The following NSF variants were observed in gnomAD, a reference collection of about 807,000 sequenced individuals.
The protein encoded by NSF is N-ethylmaleimide sensitive factor, vesicle fusing ATPase.
A neutral mutation model predicts 50.3 loss-of-function variants in NSF; 14 were observed. The ratio of observed to expected loss-of-function variants is 0.28; its 90% CI spans 0.18 to 0.44. The LOEUF is 0.44. Among genes scored for constraint, NSF ranks in the 20% least tolerant of loss-of-function variants. The pLI, the probability that NSF is intolerant of heterozygous loss-of-function variation, is 1.00. For synonymous variants in NSF, 109 were observed against 175.7 expected (o/e 0.62, Z 3.00); for missense variants, 218 against 504.3 (o/e 0.43, Z 5.44).
intron 9 of NSF, among the ~76,000 whole-genome samples, chr17:46,675,669 T>G (rs1386402814): frequency 7.3e-6 from 1 of 136,104 alleles, no homozygotes. Context: ...CACACGAACA[T>G]TCTATTGGTT....
At chr17:46,605,715 TAA>T (rs528349065) in intron 1 of NSF, among the ~76,000 whole-genome samples, 18 of 35,984 alleles carry the variant, frequency 5.0e-4, no homozygotes, top group Non-Finnish European at 3.6e-4. Flanking sequence ...TCCTGAAGGC[TAA>T]AAAAAAAAAA....
chr17:46,749,212 G>T (rs535614038), intron 17 of NSF, among the ~76,000 whole-genome samples: 19 of 152,268 alleles, frequency 1.2e-4, no homozygotes, highest in African/African-American at 4.6e-4. Context: ...CATAAGCCTG[G>T]CATAGTTTTT....
At chr17:46,722,093 TG>T (rs2058836727) in intron 15 of NSF, 1 of 1,611,102 alleles carries the variant, frequency 6.2e-7, no homozygotes, top group East Asian at 2.2e-5. Flanking sequence ...CAGAAGAGCC[TG>T]GGAGATGGCC....
chr17:46,630,616 T>TAGAG lies in NSF; in HGVS notation c.238+166_238+167insAGAG, dbSNP rs2058124217. 2.1e-5 allele frequency: 9 copies of TAGAG among 430,918 alleles called. No individual in the cohort carries two copies. In the South Asian group the frequency reaches 3.0e-4, roughly 14 times the overall value. 26.7% of individuals were successfully genotyped at this position (430,918 alleles called of 1,614,324 possible). On this transcript the variant is annotated intron_variant, in intron 4 of 20. Transcript: ENST00000398238. ...GGGAAGGAAATAGTTATGGTACCTC[T>TAGAG]GTTCCTATATCTTTTATGAAGTGTG...
At chr17:46,745,055 T>G (rs2059113760) in intron 17 of NSF, among the ~76,000 whole-genome samples, 1 of 152,124 alleles carries the variant, frequency 6.6e-6, no homozygotes, top group Admixed American at 6.6e-5. Flanking sequence ...TTTTTTTTGC[T>G]TTCCGTCAAG....
intron 9 of NSF, among the ~76,000 whole-genome samples, chr17:46,678,191 A>G (rs199465): frequency 0.039 from 4,216 of 109,290 alleles, 92 homozygotes; most frequent in Middle Eastern, 0.11. Flanking sequence ...ACATCAAGAA[A>G]AAGAAAAGAT....
rs994478274 is a variant in NSF at position 46,755,240 on chromosome 17, G to C, written c.2158-74G>C. On this transcript the variant is annotated intron_variant, in intron 19 of 20. Coordinates refer to ENST00000398238, the MANE Select transcript of NSF (RefSeq NM_006178.4). ...TTGATGAAGTGTGAAACCGAACACT[G>C]CCTTCTCATGAAGCAAGTGCAGAGT... The C allele has an allele frequency of 2.7e-6, 3 of 1,118,044 alleles. No individual in the cohort carries two copies. The Admixed American group carries it at 5.1e-5, about 19-fold the overall frequency. 69.3% of individuals were successfully genotyped at this position (1,118,044 alleles called of 1,614,324 possible).
At chr17:46,688,313 C>A (rs1357976986) in intron 9 of NSF, among the ~76,000 whole-genome samples, 1 of 150,290 alleles carries the variant, frequency 6.7e-6, no homozygotes, top group Non-Finnish European at 1.5e-5. Context: ...GAGTTCAAGA[C>A]CAGCCTGGGC....
At chr17:46,625,644 A>T (rs2058091325) in intron 2 of NSF, among the ~76,000 whole-genome samples, 1 of 56,258 alleles carries the variant, frequency 1.8e-5, no homozygotes, top group African/African-American at 1.0e-4. Context: ...GGGTTACTCA[A>T]AATGTAGTTG....
At chr17:46,743,960 T>C (rs2059103089) in intron 17 of NSF, among the ~76,000 whole-genome samples, 2 of 152,122 alleles carry the variant, frequency 1.3e-5, no homozygotes, top group South Asian at 4.1e-4. Flanking sequence ...ACCACACACA[T>C]AGGATTTAGG....
At chr17:46,720,808 T>C (rs912571788) in intron 15 of NSF, among the ~76,000 whole-genome samples, 6 of 151,860 alleles carry the variant, frequency 4.0e-5, no homozygotes, top group African/African-American at 1.2e-4. Context: ...AGAACCAGAG[T>C]GTTTGGCTTT....
At chr17:46,723,774 C>G (rs1359276398) in intron 15 of NSF, among the ~76,000 whole-genome samples, 1 of 152,200 alleles carries the variant, frequency 6.6e-6, no homozygotes, top group Non-Finnish European at 1.5e-5. Flanking sequence ...AGCACACCCA[C>G]TCCCTGGCCA....
At chr17:46,725,409 G>A (rs147405729) in intron 15 of NSF, among the ~76,000 whole-genome samples, 2,774 of 152,174 alleles carry the variant, frequency 0.018, 33 homozygotes, top group Non-Finnish European at 0.032. Context: ...ATAGGAAAAC[G>A]TTTTCACCAG....
At chr17:46,687,227 C>T (rs910772480) in intron 9 of NSF, among the ~76,000 whole-genome samples, 40 of 80,040 alleles carry the variant, frequency 5.0e-4, no homozygotes, top group African/African-American at 2.0e-3. Flanking sequence ...GATCCATCTT[C>T]TTACGGTATC....
chr17:46,732,745 C>T (rs990004273), intron 17 of NSF, among the ~76,000 whole-genome samples: 1 of 152,018 alleles, frequency 6.6e-6, no homozygotes, highest in Non-Finnish European at 1.5e-5. Context: ...AAACATGTTC[C>T]CTAGGTCTTT....
chr17:46,731,258 C>G (rs2058946067), intron 17 of NSF, among the ~76,000 whole-genome samples: 1 of 152,028 alleles, frequency 6.6e-6, no homozygotes, highest in African/African-American at 2.4e-5. Flanking sequence ...TGGATGATTC[C>G]AGTTACATGA....
Sources: gnomAD v4.1 joint callset for allele counts (sites outside exome capture counted in the v4.1 genomes callset) on GRCh38, gnomAD v4.1.1 for gene constraint, MANE v1.5 for transcripts, NCBI Gene and HGNC (gene_info 2026-07-23, HGNC 2026-07-21) for gene names.